Variants in ARHGAP32 observed in about 807,000 individuals in gnomAD.
The protein encoded by ARHGAP32 is rho GTPase-activating protein 32.
A neutral mutation model predicts 186.5 loss-of-function variants in ARHGAP32; 51 were observed. The observed-to-expected ratio is 0.27, with a 90% CI of 0.22 to 0.35. ARHGAP32 has a LOEUF of 0.35. ARHGAP32 is among the 10% of genes least tolerant of loss of function. ARHGAP32 has a pLI of 1.00. For missense variants in ARHGAP32, 2,186 were observed against 2,623.5 expected, an observed-to-expected ratio of 0.83 and a Z score of 3.64; for synonymous variants, 950 against 964.3, an observed-to-expected ratio of 0.99 and a Z score of 0.27.
At position 128,974,725 on chromosome 11, in the gene ARHGAP32, T is replaced by C. The variant is rs1945494698; in HGVS notation, c.2472A>G (p.Glu824=). ...FQCSPPKAES[E]CLESGASFLD... Reference sequence around the variant, plus strand: ...AAAAGGAAGCACCACTCTCCAGACATTCTGATTCGGCCTTAGGAGGACTAC... The same window carrying C: ...AAAAGGAAGCACCACTCTCCAGACACTCTGATTCGGCCTTAGGAGGACTAC... The change falls in exon 21 of 23, where the codon GAA becomes GAG. Residue 824 remains glutamate, a synonymous_variant. Transcript: ENST00000682385. 6.2e-7 allele frequency: 1 copy of C among 1,614,088 alleles called. No individual in the cohort carries two copies. Among genetic ancestry groups the C allele is most frequent in the Admixed American group, 1.7e-5 (1 of 60,012 alleles).
At chr11:129,257,810 C>T (rs768326775) in intron 1 of ARHGAP32, among the ~76,000 whole-genome samples, 5 of 151,740 alleles carry the variant, frequency 3.3e-5, no homozygotes, top group Non-Finnish European at 5.9e-5. Flanking sequence ...CCCCTTCTGA[C>T]CCAAAGCATT....
intron 7 of ARHGAP32, among the ~76,000 whole-genome samples, chr11:129,065,375 TG>T (rs1940653739): frequency 1.3e-5 from 2 of 152,092 alleles, no homozygotes; most frequent in Admixed American, 1.3e-4. Flanking sequence ...TTCAGCCGAT[TG>T]GTCCAGGAAT....
Position 128,965,468 on chromosome 11 carries a change from G to A in ARHGAP32, c.*3439C>T, listed in dbSNP as rs1945201687. On this transcript the variant is annotated 3_prime_UTR_variant, in exon 23 of 23. Transcript: ENST00000682385. The stretch of plus-strand genomic sequence containing the variant: ...ATGCAGGTCATGGTTGAAAAATCAG[G>A]TTTTGCTATCTCAGAATCTAAACTG... 1 of 152,166 alleles carries A rather than the reference G, an allele frequency of 6.6e-6. No homozygotes were observed. The allele number at this position is 152,166 out of a possible 1,614,324, so 9.4% of individuals were successfully genotyped here.
Position 128,974,570 on chromosome 11 carries a change from A to C in ARHGAP32, c.2627T>G (p.Leu876Arg). 1 of 1,614,032 alleles carries C rather than the reference A, an allele frequency of 6.2e-7. No homozygotes were observed. Among genetic ancestry groups the C allele is most frequent in the Non-Finnish European group, 8.5e-7 (1 of 1,179,886 alleles). Residue 876 changes from leucine (L) to arginine (R), a missense_variant, in exon 21 of 23, where the codon CTG becomes CGG. This residue lies in a region of ARHGAP32 where 1,502 missense variants were observed against 1,570.0 expected (regional missense o/e 0.96). Coordinates refer to ENST00000682385, the MANE Select transcript of ARHGAP32 (RefSeq NM_001378024.1). ...CAAGTCCAGGGTAAAGAATGGACTCAGTTTCTCCTGAAGAGGAGAGACAGG... is the reference window on the plus strand; with the variant it reads ...CAAGTCCAGGGTAAAGAATGGACTCCGTTTCTCCTGAAGAGGAGAGACAGG... Reference protein sequence around the residue: ...SEPVSPLQEKLSPFFTLDLSP... With the variant: ...SEPVSPLQEKRSPFFTLDLSP...
In ARHGAP32 at chr11:129,107,755, C is replaced by T. The variant is rs561119831; in HGVS notation, c.445-14048G>A. Reference sequence around the variant, plus strand: ...TGGTGGCACATGCCTGTAATCCCAGCTACTTGGGAGGCTGAGGCAGGAGAA... The same window carrying T: ...TGGTGGCACATGCCTGTAATCCCAGTTACTTGGGAGGCTGAGGCAGGAGAA... On this transcript the variant is annotated intron_variant, in intron 5 of 22. Coordinates refer to ENST00000682385, the MANE Select transcript of ARHGAP32 (RefSeq NM_001378024.1). 3.9e-3 allele frequency among the ~76,000 whole-genome samples: 595 copies of T among 151,410 alleles called. 2 individuals are homozygous for T. Among genetic ancestry groups the T allele is most frequent in the African/African-American group, 0.014 (569 of 41,296 alleles).
Position 128,986,661 on chromosome 11 carries a change from A to AT in ARHGAP32, c.1305dup (p.Phe436IlefsTer2). On this transcript the variant is annotated frameshift_variant, in exon 14 of 23. Coordinates refer to ENST00000682385, the MANE Select transcript of ARHGAP32 (RefSeq NM_001378024.1). LOFTEE classifies it high-confidence loss of function. ...AGGTCGGGGACGTGCTCAGAGTCAAATTCATGGCTGACGTAGACAGAAGAG... is the reference window on the plus strand; with the variant it reads ...AGGTCGGGGACGTGCTCAGAGTCAAATTTCATGGCTGACGTAGACAGAAGAG... The AT allele has an allele frequency of 6.2e-7, 1 of 1,613,888 alleles. No individual in the cohort carries two copies. The highest frequency in any genetic ancestry group is 8.5e-7 in the Non-Finnish European group (1 of 1,179,842).
intron 9 of ARHGAP32, 81 bp from the exon 10 acceptor site, chr11:129,062,438 T>C (rs1940539024): frequency 1.6e-6 from 2 of 1,220,338 alleles, no homozygotes; most frequent in Non-Finnish European, 2.4e-6. Context: ...AAATCCGAAC[T>C]GTATGAAAAG....
rs1351777136 is a variant in ARHGAP32 at position 128,986,058 on chromosome 11, C to T, written c.1471G>A (p.Glu491Lys). The T allele has an allele frequency of 1.2e-6, 2 of 1,606,922 alleles. No homozygotes were observed. Among genetic ancestry groups the T allele is most frequent in the Non-Finnish European group, 1.7e-6 (2 of 1,177,852 alleles). ...ACATCGTGGATTTTTATCAGCCTTT[C>T]TTCATCTGTTGCTGCTGAAACTGCA... ...SDAVSAATDE[E>K]RLIKIHDVIQ... The change falls in exon 15 of 23, where the codon GAA (glutamate) becomes AAA (lysine). Residue 491 changes from glutamate to lysine, a missense_variant. This residue lies in a region of ARHGAP32 where 308 missense variants were observed against 596.5 expected (regional missense o/e 0.52). Coordinates refer to ENST00000682385, the MANE Select transcript of ARHGAP32 (RefSeq NM_001378024.1).
At chr11:129,051,451 G>T (rs2135081542) in intron 10 of ARHGAP32, among the ~76,000 whole-genome samples, 1 of 152,300 alleles carries the variant, frequency 6.6e-6, no homozygotes, top group East Asian at 1.9e-4. Context: ...CTTTTGAGAA[G>T]TGTCTGTTTA....
chr11:129,245,986 A>G (rs1282156274), intron 1 of ARHGAP32, among the ~76,000 whole-genome samples: 1 of 152,216 alleles, frequency 6.6e-6, no homozygotes, highest in Non-Finnish European at 1.5e-5. Flanking sequence ...ACCTTTGATA[A>G]TATTTGATTC....
At chr11:129,038,798 G>A (rs913772890) in intron 11 of ARHGAP32, among the ~76,000 whole-genome samples, 4 of 147,534 alleles carry the variant, frequency 2.7e-5, no homozygotes, top group African/African-American at 1.0e-4. Context: ...GAGTCAGAAG[G>A]ATCATTTGAG....
At chr11:129,031,229 T>C (rs1012667921) in intron 11 of ARHGAP32, among the ~76,000 whole-genome samples, 1 of 152,220 alleles carries the variant, frequency 6.6e-6, no homozygotes, top group Non-Finnish European at 1.5e-5. Context: ...CTGATACTCA[T>C]GAATTTAAAT....
chr11:129,047,510 A>G (rs924647487), intron 10 of ARHGAP32, among the ~76,000 whole-genome samples: 1 of 152,130 alleles, frequency 6.6e-6, no homozygotes, highest in East Asian at 1.9e-4. Context: ...GTTTTAAATC[A>G]GTACCCTTTA....
chr11:128,989,825 C>G (rs1279712715), intron 12 of ARHGAP32, among the ~76,000 whole-genome samples: 2 of 151,248 alleles, frequency 1.3e-5, no homozygotes, highest in African/African-American at 4.9e-5. Context: ...GTTTTCTGTT[C>G]TTGTGATAGT....
intron 12 of ARHGAP32, among the ~76,000 whole-genome samples, chr11:128,992,371 ATACT>A (rs1946080492): frequency 1.3e-5 from 2 of 152,194 alleles, no homozygotes; most frequent in African/African-American, 4.8e-5. Flanking sequence ...CCAAAAAAAA[ATACT>A]AACTCTTATG....
At chr11:129,180,849 A>G (rs1409140842) in intron 1 of ARHGAP32, among the ~76,000 whole-genome samples, 2 of 152,162 alleles carry the variant, frequency 1.3e-5, no homozygotes, top group African/African-American at 4.8e-5. Flanking sequence ...CTTCCCCCAA[A>G]TTGAAAGATT....
intron 1 of ARHGAP32, among the ~76,000 whole-genome samples, chr11:129,190,249 C>G (rs973278257): frequency 1.3e-5 from 2 of 152,216 alleles, no homozygotes; most frequent in African/African-American, 4.8e-5. Context: ...TAGGGCATCT[C>G]GGCAGGAACA....
At chr11:129,260,337 T>C (rs2135708439) in intron 1 of ARHGAP32, among the ~76,000 whole-genome samples, 1 of 152,300 alleles carries the variant, frequency 6.6e-6, no homozygotes, top group African/African-American at 2.4e-5. Flanking sequence ...GATAACATTG[T>C]TTTGAAAGCT....
At position 129,144,391 on chromosome 11, in the gene ARHGAP32, G is replaced by A. The variant is rs973879758; in HGVS notation, c.226-19497C>T. On this transcript the variant is annotated intron_variant, in intron 2 of 22. Coordinates refer to ENST00000682385, the MANE Select transcript of ARHGAP32 (RefSeq NM_001378024.1). ...GGTTTCTCTCAAAATTCTTTTCAGC[G>A]TTATGCACCTCCATCAGACTTGATA... 3.4e-5 allele frequency among the ~76,000 whole-genome samples: 5 copies of A among 148,806 alleles called. 1 individual carries two copies. Among genetic ancestry groups the A allele is most frequent in the African/African-American group, 9.8e-5 (4 of 40,922 alleles).
Sources: allele counts gnomAD v4.1 joint callset (sites outside exome capture counted in the v4.1 genomes callset), GRCh38; gene constraint gnomAD v4.1.1; regional missense constraint gnomAD v4.1.1; transcripts MANE v1.5; gene names NCBI Gene and HGNC (gene_info 2026-07-23, HGNC 2026-07-21).